Variants in AP3B2 observed in about 807,000 individuals in gnomAD.
The protein encoded by AP3B2 is adaptor related protein complex 3 subunit beta 2.
Under a neutral mutation model 126.9 loss-of-function variants are expected in AP3B2, and 50 were observed. The ratio of observed to expected loss-of-function variants is 0.39; its 90% CI spans 0.31 to 0.50. The LOEUF (loss-of-function observed/expected upper bound fraction) is 0.50. Ranked by LOEUF, AP3B2 falls within the 20% of genes least tolerant of loss-of-function variation. AP3B2 has a pLI of 0.79. For synonymous variants in AP3B2, 541 were observed against 565.0 expected (o/e 0.96, Z 0.60); for missense variants, 1,177 against 1,426.4 (o/e 0.83, Z 2.82).
chr15:82,685,448 A>G (rs888914903), intron 4 of AP3B2: 3 of 152,254 alleles, frequency 2.0e-5, no homozygotes, highest in African/African-American at 7.2e-5. Context: ...ACTTTCTGAA[A>G]TGGAAAAAGA....
chr15:82,693,849 C>G (rs991728384), intron 1 of AP3B2, among the ~76,000 whole-genome samples: 4 of 151,626 alleles, frequency 2.6e-5, no homozygotes, highest in African/African-American at 9.7e-5. Context: ...TACAGGCATG[C>G]GCCACCATGC....
intron 14 of AP3B2, among the ~76,000 whole-genome samples, chr15:82,673,804 T>G (rs528881036): frequency 2.6e-4 from 40 of 152,336 alleles, no homozygotes; most frequent in African/African-American, 7.7e-4. Context: ...TTTACGTTTT[T>G]AAAAGCAATT....
intron 10 of AP3B2, among the ~76,000 whole-genome samples, chr15:82,679,257 G>A (rs1356095861): frequency 6.6e-6 from 1 of 152,166 alleles, no homozygotes; most frequent in East Asian, 1.9e-4. Context: ...TCGAGTAGCT[G>A]GGATTACAGG....
intron 1 of AP3B2, among the ~76,000 whole-genome samples, chr15:82,696,078 T>C (rs2048625098): frequency 6.6e-6 from 1 of 152,136 alleles, no homozygotes; most frequent in Non-Finnish European, 1.5e-5. Flanking sequence ...CGTGCCTATA[T>C]CCAAATTTCC....
At chr15:82,662,597 T>G in intron 23 of AP3B2, 97 bp downstream of exon 23, 1 of 1,163,978 alleles carries the variant, frequency 8.6e-7, no homozygotes, top group Non-Finnish European at 1.2e-6. Flanking sequence ...CCCTATAGCT[T>G]GGCCCCTGGC....
chr15:82,668,105 A>G (rs1049539965), intron 14 of AP3B2, among the ~76,000 whole-genome samples: 3 of 152,246 alleles, frequency 2.0e-5, no homozygotes, highest in South Asian at 4.1e-4. Flanking sequence ...GCAGATGTCC[A>G]TAAGGGGCAA....
At position 82,680,643 on chromosome 15, in the gene AP3B2, G is replaced by A; in HGVS notation, c.884C>T (p.Pro295Leu). ...TAAAAAPSRK[P>L]YVMDPDHRLL... is the part of the protein sequence containing the mutation. Reference sequence around the variant, plus strand: ...CCGGTGGTCGGGGTCCATGACATAGGGCTTTCGGGAGGGGGCGGCCGCGGC... The same window carrying A: ...CCGGTGGTCGGGGTCCATGACATAGAGCTTTCGGGAGGGGGCGGCCGCGGC... Residue 295 changes from proline to leucine, a missense_variant, in exon 8 of 27, where the codon CCC becomes CTC. Pro to Leu is a moderately conservative substitution (Grantham distance 98). Coordinates refer to ENST00000535359, the MANE Select transcript of AP3B2 (RefSeq NM_001278512.2). This position sits in a 1 kb window ranked among gnomAD's most constrained non-coding sequence, Gnocchi z 6.1. The A allele has an allele frequency of 6.3e-7, 1 of 1,589,304 alleles. No homozygotes were observed. The highest frequency in any genetic ancestry group is 1.1e-5 in the South Asian group (1 of 90,338).
chr15:82,663,541 T>A lies in AP3B2; in HGVS notation c.2497+19A>T. On this transcript the variant is annotated intron_variant, in intron 21 of 26. Transcript: ENST00000535359. The stretch of plus-strand genomic sequence containing the variant: ...CCCCAGGCCTCCTTTCCCCTGTGAC[T>A]TTTACCACCCAAACTCACAATCCTC... 1 of 1,613,090 alleles carries A rather than the reference T, an allele frequency of 6.2e-7. No homozygotes were observed. The highest frequency in any genetic ancestry group is 8.5e-7 in the Non-Finnish European group (1 of 1,179,328).
At chr15:82,700,199 A>T (rs2048696715) in intron 1 of AP3B2, among the ~76,000 whole-genome samples, 1 of 151,664 alleles carries the variant, frequency 6.6e-6, no homozygotes, top group East Asian at 1.9e-4. Flanking sequence ...CTTCTCACTG[A>T]CCCTAGGCAT....
intron 4 of AP3B2, among the ~76,000 whole-genome samples, chr15:82,683,470 T>G (rs1378741796): frequency 6.6e-6 from 1 of 152,222 alleles, no homozygotes; most frequent in Non-Finnish European, 1.5e-5. Context: ...GCTCCACTTT[T>G]AATTCTACTT....
intron 1 of AP3B2, among the ~76,000 whole-genome samples, chr15:82,700,415 T>TTTTTTTTTTTTTTTTTTTTTTTTTTTTTC (rs58240249): frequency 7.5e-6 from 1 of 133,190 alleles, no homozygotes; most frequent in African/African-American, 2.9e-5. Context: ...TTTTTTTTTT[T>TTTTTTTTTTTTTTTTTTTTTTTTTTTTTC]CAGATGGAGT....
chr15:82,663,697 T>C, intron 20 of AP3B2, 77 bp from the exon 21 acceptor site: 2 of 1,609,138 alleles, frequency 1.2e-6, no homozygotes, highest in Non-Finnish European at 8.5e-7. Flanking sequence ...GAAGATGTCA[T>C]GTTCTGTTCT....
chr15:82,709,298 C>T (rs2048841824), intron 1 of AP3B2, among the ~76,000 whole-genome samples: 1 of 152,198 alleles, frequency 6.6e-6, no homozygotes, highest in Admixed American at 6.5e-5. Flanking sequence ...CGCAACGCCG[C>T]AAACCGGAGA....
At chr15:82,701,128 T>C (rs2048714573) in intron 1 of AP3B2, among the ~76,000 whole-genome samples, 1 of 152,242 alleles carries the variant, frequency 6.6e-6, no homozygotes, top group South Asian at 2.1e-4. Flanking sequence ...CCCAAAGTGC[T>C]GGGATTACAG....
At position 82,688,813 on chromosome 15, in the gene AP3B2, CAT is replaced by C. The variant is rs1229674982; in HGVS notation, c.281_282del (p.Tyr94CysfsTer8). 1 of 1,612,160 alleles carries C rather than the reference CAT, an allele frequency of 6.2e-7. No individual in the cohort carries two copies. Among genetic ancestry groups the C allele is most frequent in the Non-Finnish European group, 8.5e-7 (1 of 1,179,194 alleles). ...TCCTCAGCGTAGCGTACCAGGTACA[CAT>C]AGACAAGCTTCTTCACCTTGGGGAG... ...CKNIEVKKLV[Y>X]VYLVRYAEEQ... On this transcript the variant is annotated frameshift_variant, in exon 4 of 27. Transcript: ENST00000535359. LOFTEE classifies it high-confidence loss of function.
At chr15:82,689,103 G>A (rs1596189460) in intron 3 of AP3B2, 55 bp downstream of exon 3, 1 of 1,585,282 alleles carries the variant, frequency 6.3e-7, no homozygotes, top group East Asian at 2.2e-5. Context: ...CCCCAAGCTT[G>A]AGTGTGGTCC....
intron 1 of AP3B2, among the ~76,000 whole-genome samples, chr15:82,701,131 G>A (rs1483922977): frequency 6.6e-6 from 1 of 152,140 alleles, no homozygotes; most frequent in African/African-American, 2.4e-5. Flanking sequence ...AAAGTGCTGG[G>A]ATTACAGGCA....
chr15:82,676,588 T>C lies in AP3B2; in HGVS notation c.1538A>G (p.Glu513Gly), dbSNP rs1339125288. The change falls in exon 14 of 27, where the codon GAG (glutamate) becomes GGG (glycine). Residue 513 changes from glutamate to glycine, a missense_variant. Around this residue, in one of 5 missense-constraint regions of AP3B2, gnomAD observed 308 missense variants for 452.4 expected, o/e 0.68. Coordinates refer to ENST00000535359, the MANE Select transcript of AP3B2 (RefSeq NM_001278512.2). The part of the protein sequence containing the change: ...SILWLIGEYC[E>G]HVPRIAPDVL... ...ATCAGGTGCAATCCTGGGGACATGC[T>C]CACAGTACTCTCCGATGAGCCACAG... 6.2e-7 allele frequency: 1 copy of C among 1,613,972 alleles called. No individual in the cohort carries two copies. Among genetic ancestry groups the C allele is most frequent in the Non-Finnish European group, 8.5e-7 (1 of 1,179,894 alleles).
In AP3B2 at chr15:82,659,907, C is replaced by T. The variant is rs761053134; in HGVS notation, c.3093G>A (p.Val1031=). ...PDTCRSDHIV[V]QKVTATANLG... ...GGTTGGCAGTGGCAGTCACTTTCTG[C>T]ACCACAATGTGGTCACTCCGACAGG... The change falls in exon 26 of 27, where the codon GTG becomes GTA. Residue 1031 remains valine, a synonymous_variant. Coordinates refer to ENST00000535359, the MANE Select transcript of AP3B2 (RefSeq NM_001278512.2). 6.2e-7 allele frequency: 1 copy of T among 1,613,988 alleles called. No homozygotes were observed. The highest frequency in any genetic ancestry group is 8.5e-7 in the Non-Finnish European group (1 of 1,179,886).
Sources: allele counts gnomAD v4.1 joint callset (sites outside exome capture counted in the v4.1 genomes callset), GRCh38; gene constraint gnomAD v4.1.1; regional missense constraint gnomAD v4.1.1; non-coding constraint Gnocchi (gnomAD v3.1); transcripts MANE v1.5; gene names NCBI Gene and HGNC (gene_info 2026-07-23, HGNC 2026-07-21).